FBXW7: variants seen among roughly 807,000 people sequenced by gnomAD.
The protein encoded by FBXW7 is F-box/WD repeat-containing protein 7.
FBXW7 carries 11 observed loss-of-function variants against 86.3 expected under a neutral mutation model. The observed-to-expected ratio is 0.13, with a 90% CI of 0.08 to 0.21. FBXW7 has a LOEUF of 0.21. Ranked by LOEUF, FBXW7 falls within the 10% of genes least tolerant of loss-of-function variation. The pLI is 1.00. For missense variants in FBXW7, 488 were observed against 847.4 expected (o/e 0.58, Z 5.27); for synonymous variants, 313 against 297.9 (o/e 1.05, Z -0.52).
Position 152,324,392 on chromosome 4 carries a change from A to G in FBXW7, c.1647T>C (p.Phe549=). The G allele has an allele frequency of 1.3e-6, 2 of 1,583,346 alleles. No individual in the cohort carries two copies. The highest frequency in any genetic ancestry group is 1.7e-6 in the Non-Finnish European group (2 of 1,162,184). ...ATCCACTCACCACATGGATACCATC[A>G]AACTACAAAAGACACAGTTTATTAG... ...GHTNRVYSLQ[F]DGIHVVSGSL... The change falls in exon 13 of 14, where the codon TTT becomes TTC. Residue 549 remains phenylalanine, a splice_region_variant and synonymous_variant. Coordinates refer to ENST00000281708, the MANE Select transcript of FBXW7 (RefSeq NM_001349798.2).
At chr4:152,421,030 T>C (rs1225980003) in intron 2 of FBXW7, among the ~76,000 whole-genome samples, 1 of 152,190 alleles carries the variant, frequency 6.6e-6, no homozygotes, top group East Asian at 1.9e-4. Context: ...CTGTTTCATC[T>C]ACATTGAAAA....
At chr4:152,508,561 C>T (rs898147262) in intron 2 of FBXW7, among the ~76,000 whole-genome samples, 1 of 151,080 alleles carries the variant, frequency 6.6e-6, no homozygotes, top group South Asian at 2.1e-4. Context: ...TGGTGGTGTG[C>T]ACCTGCAGTC....
chr4:152,380,864 T>A (rs1735003391), intron 4 of FBXW7, among the ~76,000 whole-genome samples: 1 of 151,978 alleles, frequency 6.6e-6, no homozygotes, highest in South Asian at 2.1e-4. Flanking sequence ...TACAGGGGTA[T>A]AAGATAATAA....
At chr4:152,368,426 T>A (rs1733697906) in intron 4 of FBXW7, among the ~76,000 whole-genome samples, 1 of 152,108 alleles carries the variant, frequency 6.6e-6, no homozygotes, top group Non-Finnish European at 1.5e-5. Flanking sequence ...TGTGTGTGTG[T>A]TAAATATGGA....
chr4:152,398,199 C>A (rs2126831288), intron 4 of FBXW7, among the ~76,000 whole-genome samples: 1 of 151,878 alleles, frequency 6.6e-6, no homozygotes, highest in East Asian at 1.9e-4. Context: ...GAGAGAAAGA[C>A]AAGCACATAT....
intron 8 of FBXW7, 49 bp from the exon 9 acceptor site, chr4:152,330,917 T>C: frequency 6.4e-7 from 1 of 1,553,740 alleles, no homozygotes; most frequent in Non-Finnish European, 8.8e-7. Flanking sequence ...ATAATAACAG[T>C]TATACATTTT....
intron 2 of FBXW7, among the ~76,000 whole-genome samples, chr4:152,424,970 T>A (rs1739252344): frequency 6.6e-6 from 1 of 152,232 alleles, no homozygotes; most frequent in South Asian, 2.1e-4. Flanking sequence ...TTAGGAGTCT[T>A]GTTAAAATGC....
chr4:152,335,385 T>C (rs1317655603), intron 7 of FBXW7, among the ~76,000 whole-genome samples: 1 of 151,926 alleles, frequency 6.6e-6, no homozygotes, highest in East Asian at 1.9e-4. Flanking sequence ...GGAGAATCAT[T>C]TGAGCCTAGG....
At chr4:152,398,438 C>A (rs974419403) in intron 4 of FBXW7, among the ~76,000 whole-genome samples, 1 of 151,666 alleles carries the variant, frequency 6.6e-6, no homozygotes. Flanking sequence ...GATTTTACAT[C>A]TTTGTGCTTT....
rs936611105 is a variant in FBXW7 at position 152,326,147 on chromosome 4, A to C, written c.1503T>G (p.Val501=). Residue 501 remains valine (V), a synonymous_variant, in exon 12 of 14, where the codon GTT becomes GTG. Coordinates refer to ENST00000281708, the MANE Select transcript of FBXW7 (RefSeq NM_001349798.2). ...CATATTGAACACAGCGGACTGCTGC[A>C]ACATGACCCATCAAAACATGTAAAC... is the stretch of plus-strand genomic sequence containing the variant. The part of the protein sequence containing the change: ...GQCLHVLMGH[V]AAVRCVQYDG... 5 of 1,613,304 alleles carry C rather than the reference A, an allele frequency of 3.1e-6. No individual in the cohort carries two copies. Among genetic ancestry groups the C allele is most frequent in the Non-Finnish European group, 4.2e-6 (5 of 1,179,566 alleles).
intron 4 of FBXW7, among the ~76,000 whole-genome samples, chr4:152,381,131 C>T (rs946429978): frequency 4.6e-5 from 7 of 151,990 alleles, no homozygotes; most frequent in South Asian, 2.1e-4. Context: ...ACTTGTTTGG[C>T]GTAGAAGTGG....
chr4:152,368,404 C>T (rs946146263), intron 4 of FBXW7, among the ~76,000 whole-genome samples: 2 of 151,996 alleles, frequency 1.3e-5, no homozygotes, highest in Admixed American at 6.6e-5. Context: ...CCCGTGTGTG[C>T]GGATGCATGC....
chr4:152,373,756 G>C (rs1734220617), intron 4 of FBXW7, among the ~76,000 whole-genome samples: 1 of 151,990 alleles, frequency 6.6e-6, no homozygotes, highest in African/African-American at 2.4e-5. Context: ...CATTTAAGCA[G>C]TTATTATTTT....
In FBXW7 at chr4:152,330,022, AGACCTC is replaced by A. The variant is rs1578886761; in HGVS notation, c.1123-243_1123-238del. On this transcript the variant is annotated intron_variant, in intron 9 of 13. Transcript: ENST00000281708. ...CAACTATTAAAGTTTTACTGCATCA[AGACCTC>A]ATAAAGATGGTTCAAACACCAATGT... 2.0e-5 allele frequency among the ~76,000 whole-genome samples: 3 copies of A among 152,000 alleles called. No individual in the cohort carries two copies. In the East Asian group the frequency reaches 5.8e-4, roughly 29 times the overall value.
At chr4:152,434,454 A>C (rs113135383) in intron 2 of FBXW7, among the ~76,000 whole-genome samples, 27 of 152,310 alleles carry the variant, frequency 1.8e-4, no homozygotes, top group African/African-American at 6.3e-4. Flanking sequence ...ATGTATATAA[A>C]AAAGATAATA....
chr4:152,374,729 A>T (rs907344224), intron 4 of FBXW7, among the ~76,000 whole-genome samples: 13 of 152,066 alleles, frequency 8.5e-5, no homozygotes, highest in African/African-American at 3.1e-4. Flanking sequence ...ATGCCTAAGG[A>T]CCAAAGATAA....
intron 4 of FBXW7, among the ~76,000 whole-genome samples, chr4:152,356,773 A>G (rs915315113): frequency 1.3e-5 from 2 of 152,238 alleles, no homozygotes; most frequent in Non-Finnish European, 2.9e-5. Context: ...TCTATTACAG[A>G]TATCAACTGG....
intron 5 of FBXW7, among the ~76,000 whole-genome samples, chr4:152,349,402 G>A (rs1406594990): frequency 6.6e-6 from 1 of 151,844 alleles, no homozygotes; most frequent in East Asian, 1.9e-4. Flanking sequence ...TAATTGGCTG[G>A]GCAATAGACA....
At chr4:152,526,752 CACTA>C (rs2149740151) in intron 2 of FBXW7, among the ~76,000 whole-genome samples, 1 of 152,248 alleles carries the variant, frequency 6.6e-6, no homozygotes, top group East Asian at 1.9e-4. Context: ...CTATCATAAT[CACTA>C]ACTATTCAAA....
Sources: gnomAD v4.1 joint callset for allele counts (sites outside exome capture counted in the v4.1 genomes callset) on GRCh38, gnomAD v4.1.1 for gene constraint, MANE v1.5 for transcripts, NCBI Gene and HGNC (gene_info 2026-07-23, HGNC 2026-07-21) for gene names.